ANXA5: variants seen among roughly 807,000 people sequenced by gnomAD.
ANXA5 encodes CBP-I.
In ANXA5, 40 loss-of-function variants were observed where a neutral mutation model predicts 48.1. That is an observed-to-expected ratio of 0.83 (90% CI 0.65 to 1.08). The LOEUF is 1.08. Among genes scored for constraint, ANXA5 ranks in the 50% least tolerant of loss-of-function variants. The pLI is 0.00. For synonymous variants in ANXA5, 113 were observed against 129.1 expected (o/e 0.88, Z 0.85); for missense variants, 357 against 376.8 (o/e 0.95, Z 0.44).
At chr4:121,679,835 A>G (rs1405936754) in intron 6 of ANXA5, among the ~76,000 whole-genome samples, 1 of 152,184 alleles carries the variant, frequency 6.6e-6, no homozygotes, top group African/African-American at 2.4e-5. Flanking sequence ...TGATTACCAC[A>G]ATCAAGTTAA....
chr4:121,696,189 G>C (rs1232325429), intron 2 of ANXA5, among the ~76,000 whole-genome samples: 2 of 142,754 alleles, frequency 1.4e-5, no homozygotes, highest in Non-Finnish European at 3.1e-5. Context: ...GCGGGGTGGG[G>C]GGGGAATGCG....
chr4:121,679,485 G>T (rs145692859), intron 6 of ANXA5, among the ~76,000 whole-genome samples: 6 of 152,154 alleles, frequency 3.9e-5, no homozygotes, highest in Admixed American at 3.9e-4. Flanking sequence ...GCTCATTCAG[G>T]AATTTACAGT....
intron 8 of ANXA5, among the ~76,000 whole-genome samples, chr4:121,673,667 T>C (rs968103337): frequency 6.6e-6 from 1 of 152,204 alleles, no homozygotes. Flanking sequence ...TAAAATTAAT[T>C]ATTTTAAAGA....
chr4:121,696,176 G>A (rs1354553885), intron 2 of ANXA5, among the ~76,000 whole-genome samples: 1 of 150,792 alleles, frequency 6.6e-6, no homozygotes, highest in Non-Finnish European at 1.5e-5. Context: ...AGGAAGTCGG[G>A]GGGCGGGGTG....
chr4:121,685,915 T>TTA (rs2110487585), intron 3 of ANXA5, among the ~76,000 whole-genome samples: 1 of 152,314 alleles, frequency 6.6e-6, no homozygotes, highest in South Asian at 2.1e-4. Flanking sequence ...TAGGGATGGT[T>TTA]TATAGCAAGC....
intron 4 of ANXA5, 63 bp downstream of exon 4, chr4:121,684,614 C>A: frequency 7.3e-7 from 1 of 1,369,276 alleles, no homozygotes; most frequent in Non-Finnish European, 1.0e-6. Flanking sequence ...CAGTATATTC[C>A]AAACTAGTCT....
chr4:121,683,870 A>G lies in ANXA5; in HGVS notation c.190-393T>C, dbSNP rs118171255. Among the ~76,000 whole-genome samples the G allele has an allele frequency of 4.3e-4, 66 of 152,292 alleles. 1 individual carries two copies. In the East Asian group the frequency reaches 0.011, roughly 26 times the overall value. ...ATTTAGTCTCTCATACCCAAACGTA[A>G]TAATTTTTTCTTTTCTCTCAATATG... On this transcript the variant is annotated intron_variant, in intron 4 of 12. Coordinates refer to ENST00000296511, the MANE Select transcript of ANXA5 (RefSeq NM_001154.4).
At chr4:121,672,773 T>G (rs1178916646) in intron 8 of ANXA5, 147 bp from the exon 9 acceptor site, 1 of 639,324 alleles carries the variant, frequency 1.6e-6, no homozygotes, top group African/African-American at 1.8e-5. Context: ...TGTCCTACTC[T>G]GAAACTCAGC....
At position 121,668,288 on chromosome 4, in the gene ANXA5, C is replaced by T; in HGVS notation, c.*180G>A. The T allele has an allele frequency of 1.7e-6, 1 of 586,452 alleles. No homozygotes were observed. The highest frequency in any genetic ancestry group is 3.1e-6 in the Non-Finnish European group (1 of 327,032). 36.3% of individuals were successfully genotyped at this position (586,452 alleles called of 1,614,324 possible). A position where few individuals can be genotyped will look rare whatever the true frequency, so the allele number is the denominator to read the frequency against. ...GTACTACAGCAGTCAAAGAGATCTC[C>T]ACTAGAGATCAGAAAGAAGCACCAC... On this transcript the variant is annotated 3_prime_UTR_variant, in exon 13 of 13. Transcript: ENST00000296511.
intron 2 of ANXA5, among the ~76,000 whole-genome samples, 182 bp from the exon 3 acceptor site, chr4:121,686,554 C>T (rs1181490448): frequency 6.6e-6 from 1 of 152,106 alleles, no homozygotes; most frequent in Non-Finnish European, 1.5e-5. Context: ...TTGGCATGGC[C>T]GATTCAGCAC....
intron 8 of ANXA5, among the ~76,000 whole-genome samples, 164 bp from the exon 9 acceptor site, chr4:121,672,790 A>T (rs1190483216): frequency 6.6e-6 from 1 of 152,156 alleles, no homozygotes; most frequent in Non-Finnish European, 1.5e-5. Flanking sequence ...CAGCTCACTG[A>T]GTTTGGAGCA....
rs2110477515 is a variant in ANXA5 at position 121,668,414 on chromosome 4, G to A, written c.*54C>T. 2 of 1,530,300 alleles carry A rather than the reference G, an allele frequency of 1.3e-6. No homozygotes were observed. The highest frequency in any genetic ancestry group is 9.1e-7 in the Non-Finnish European group (1 of 1,104,214). 94.8% of individuals were successfully genotyped at this position (1,530,300 alleles called of 1,614,324 possible). A position where few individuals can be genotyped will look rare whatever the true frequency, so the allele number is the denominator to read the frequency against. ...TACAAATGCAGCTAAAGGTGCTGAA[G>A]GAAGGCAGTGGGGTGGTGCAGGCAC... On this transcript the variant is annotated 3_prime_UTR_variant, in exon 13 of 13. Coordinates refer to ENST00000296511, the MANE Select transcript of ANXA5 (RefSeq NM_001154.4).
intron 2 of ANXA5, 91 bp downstream of exon 2, chr4:121,696,490 T>C (rs1332629375): frequency 8.2e-7 from 1 of 1,225,854 alleles, no homozygotes; most frequent in Non-Finnish European, 1.0e-6. Context: ...CCTCCTAAAC[T>C]TTTTGGCTCT....
intron 2 of ANXA5, among the ~76,000 whole-genome samples, chr4:121,690,200 A>G (rs1411703050): frequency 6.6e-6 from 1 of 152,240 alleles, no homozygotes; most frequent in Non-Finnish European, 1.5e-5. Flanking sequence ...GAAAGGTTTT[A>G]GCAAGTGAGT....
chr4:121,683,902 C>T (rs1194260135), intron 4 of ANXA5, among the ~76,000 whole-genome samples: 1 of 151,910 alleles, frequency 6.6e-6, no homozygotes, highest in African/African-American at 2.4e-5. Flanking sequence ...TATGTAATAA[C>T]ATTCAAACAC....
At chr4:121,679,835 A>C (rs1405936754) in intron 6 of ANXA5, among the ~76,000 whole-genome samples, 1 of 152,184 alleles carries the variant, frequency 6.6e-6, no homozygotes, top group Non-Finnish European at 1.5e-5. Flanking sequence ...TGATTACCAC[A>C]ATCAAGTTAA....
At chr4:121,677,777 C>A in intron 8 of ANXA5, 117 bp downstream of exon 8, 1 of 900,948 alleles carries the variant, frequency 1.1e-6, no homozygotes, top group Admixed American at 1.9e-5. Context: ...TGTAAATAAC[C>A]CATTAACAAG....
At chr4:121,678,973 C>G (rs747086162) in intron 6 of ANXA5, among the ~76,000 whole-genome samples, 5 of 152,116 alleles carry the variant, frequency 3.3e-5, no homozygotes, top group Non-Finnish European at 5.9e-5. Flanking sequence ...TGAGAGACAG[C>G]AATGATATTT....
chr4:121,681,498 CT>C, intron 6 of ANXA5, 172 bp downstream of exon 6: 1 of 524,240 alleles, frequency 1.9e-6, no homozygotes, highest in East Asian at 3.0e-5. Flanking sequence ...ACAAGGCAGT[CT>C]TTTCCTTACT....
Sources: allele counts gnomAD v4.1 joint callset (sites outside exome capture counted in the v4.1 genomes callset), GRCh38; gene constraint gnomAD v4.1.1; transcripts MANE v1.5; gene names NCBI Gene and HGNC (gene_info 2026-07-23, HGNC 2026-07-21).